Variants in KLHDC4 observed in about 807,000 individuals in gnomAD.
KLHDC4 encodes kelch domain containing 4, also known as kelch domain-containing protein 4.
KLHDC4 carries 90 observed loss-of-function variants against 62.4 expected under a neutral mutation model. The observed-to-expected ratio is 1.44, with a 90% CI of 1.22 to 1.72. The LOEUF (loss-of-function observed/expected upper bound fraction) is 1.72. Ranked by LOEUF, KLHDC4 falls within the 40% of genes most tolerant of loss-of-function variation. KLHDC4 has a pLI of 0.00. For missense variants in KLHDC4, 1,025 were observed against 699.7 expected (o/e 1.47, Z -5.25); for synonymous variants, 386 against 284.4 (o/e 1.36, Z -3.59).
chr16:87,716,149 T>C (rs984486382), intron 7 of KLHDC4, among the ~76,000 whole-genome samples: 3 of 150,076 alleles, frequency 2.0e-5, no homozygotes, highest in Non-Finnish European at 4.5e-5. Flanking sequence ...ATGTAGACTT[T>C]GGGTACGCGC....
chr16:87,705,986 A>G (rs2034628028), downstream of KLHDC4, among the ~76,000 whole-genome samples: 1 of 151,488 alleles, frequency 6.6e-6, no homozygotes, highest in Non-Finnish European at 1.5e-5. Context: ...TCGGTGCAAC[A>G]CAAACACAAG....
Position 87,708,359 on chromosome 16 carries a change from C to T in KLHDC4, c.1555G>A (p.Glu519Lys). The change falls in exon 11 of 12, where the codon GAG (glutamate) becomes AAG (lysine). Residue 519 changes from glutamate to lysine, a missense_variant. By Grantham distance (56) the Glu-to-Lys change is moderately conservative. Transcript: ENST00000270583. ...GCCCGAGCCCGCTCACCTCAGTCCTCCGCACCGCTCTCCTCTCCGCTGTCT... is the reference window on the plus strand; with the variant it reads ...GCCCGAGCCCGCTCACCTCAGTCCTTCGCACCGCTCTCCTCTCCGCTGTCT... ...DEDSGEESGA[E>K]D The T allele has an allele frequency of 6.2e-7, 1 of 1,604,576 alleles. No individual in the cohort carries two copies. The highest frequency in any genetic ancestry group is 8.5e-7 in the Non-Finnish European group (1 of 1,175,818).
Position 87,764,949 on chromosome 16 carries a change from G to C in KLHDC4, c.99+843C>G, listed in dbSNP as rs1597452453. ...TGACTTAGGAAGAAAAGGGACAAAGGACTGTGGTCAAGAGCTCCTGATTCA... is the reference window on the plus strand; with the variant it reads ...TGACTTAGGAAGAAAAGGGACAAAGCACTGTGGTCAAGAGCTCCTGATTCA... On this transcript the variant is annotated intron_variant, in intron 1 of 11. Coordinates refer to ENST00000270583, the MANE Select transcript of KLHDC4 (RefSeq NM_017566.4). 1.1e-5 allele frequency: 4 copies of C among 359,936 alleles called. No individual in the cohort carries two copies. The East Asian group carries it at 3.0e-4, about 27-fold the overall frequency. 22.3% of individuals were successfully genotyped at this position (359,936 alleles called of 1,614,324 possible). A position where few individuals can be genotyped will look rare whatever the true frequency, so the allele number is the denominator to read the frequency against.
At chr16:87,765,274 C>G (rs1268866510) in intron 1 of KLHDC4, 1 of 456,096 alleles carries the variant, frequency 2.2e-6, no homozygotes, top group Non-Finnish European at 4.4e-6. Context: ...CCCCGTGGCT[C>G]CAGTGCCTTC....
chr16:87,730,646 T>C lies in KLHDC4; in HGVS notation c.507-2A>G. The C allele has an allele frequency of 1.2e-6, 2 of 1,610,964 alleles. No homozygotes were observed. Among genetic ancestry groups the C allele is most frequent in the Non-Finnish European group, 1.7e-6 (2 of 1,178,764 alleles). On this transcript the variant is annotated splice_acceptor_variant, in intron 5 of 11. Coordinates refer to ENST00000270583, the MANE Select transcript of KLHDC4 (RefSeq NM_017566.4). LOFTEE classifies it high-confidence loss of function. ...CGACCCGAAGGACCGCCTGTTGATC[T>C]AAAATGAAATAAACAAAAAGACACT...
chr16:87,751,150 G>A (rs145110734), intron 4 of KLHDC4, among the ~76,000 whole-genome samples: 10 of 152,318 alleles, frequency 6.6e-5, no homozygotes, highest in Admixed American at 2.0e-4. Context: ...ACACATACAT[G>A]CACGCTCCAG....
chr16:87,748,450 G>A (rs755213381), intron 5 of KLHDC4, among the ~76,000 whole-genome samples: 49 of 152,182 alleles, frequency 3.2e-4, no homozygotes, highest in Non-Finnish European at 6.3e-4. Context: ...GGAACCTGGA[G>A]AACAACACCA....
At chr16:87,712,862 T>C (rs2036172739) in intron 8 of KLHDC4, among the ~76,000 whole-genome samples, 1 of 152,214 alleles carries the variant, frequency 6.6e-6, no homozygotes, top group South Asian at 2.1e-4. Flanking sequence ...TTGGGTCTCC[T>C]GGGTCTAGCC....
At chr16:87,757,999 C>T (rs1005971429) in intron 2 of KLHDC4, among the ~76,000 whole-genome samples, 3 of 152,196 alleles carry the variant, frequency 2.0e-5, no homozygotes, top group Non-Finnish European at 4.4e-5. Flanking sequence ...CCTTCAGAGT[C>T]CTCTAAGACG....
rs1233741543 is a variant in KLHDC4, at chr16:87,748,764, C to T, written c.415G>A (p.Gly139Arg). The change falls in exon 5 of 12, where the codon GGG (glycine) becomes AGG (arginine). Residue 139 changes from glycine to arginine, a missense_variant. Coordinates refer to ENST00000270583, the MANE Select transcript of KLHDC4 (RefSeq NM_017566.4). ...QGGGQLWVFG[G>R]EFASPNGEQF... ...TCTCCGTTGGGAGAGGCAAACTCCCCTCCAAAGACCCACAGCTGTCCGCCA... is the reference window on the plus strand; with the variant it reads ...TCTCCGTTGGGAGAGGCAAACTCCCTTCCAAAGACCCACAGCTGTCCGCCA... 10 of 1,613,430 alleles carry T rather than the reference C, an allele frequency of 6.2e-6. No homozygotes were observed. In the East Asian group the frequency reaches 2.2e-4, roughly 36 times the overall value.
Position 87,755,083 on chromosome 16 carries a change from C to CG in KLHDC4, c.369+110_369+111insC, listed in dbSNP as rs2044650151. 36 of 685,496 alleles carry CG rather than the reference C, an allele frequency of 5.3e-5. No individual in the cohort carries two copies. The South Asian group carries it at 6.0e-4, about 11-fold the overall frequency. The allele number at this position is 685,496 out of a possible 1,614,324, so 42.5% of individuals were successfully genotyped here. A position where few individuals can be genotyped will look rare whatever the true frequency, so the allele number is the denominator to read the frequency against. On this transcript the variant is annotated intron_variant, in intron 4 of 11. Coordinates refer to ENST00000270583, the MANE Select transcript of KLHDC4 (RefSeq NM_017566.4). ...GCAAACAGCAGAACCAGGCGATCTA[C>CG]AGGGCCCAGCCCCTCCGCACCAGCT...
rs558880484 is a variant in KLHDC4 at position 87,726,917 on chromosome 16, T to A, written c.607A>T (p.Ile203Phe). The change falls in exon 7 of 12, where the codon ATC (isoleucine) becomes TTC (phenylalanine). Residue 203 changes from isoleucine (I) to phenylalanine (F), a missense_variant. Ile to Phe is a conservative substitution (Grantham distance 21, BLOSUM62 0). Coordinates refer to ENST00000270583, the MANE Select transcript of KLHDC4 (RefSeq NM_017566.4). ...AAGGCATACACGTCGTTGTAGTAGA[T>A]GTAATCCCTGGTTAGAAGAACAGCA... ...GGFHESTRDY[I>F]YYNDVYAFNL... 6.2e-7 allele frequency: 1 copy of A among 1,613,858 alleles called. No individual in the cohort carries two copies. Among genetic ancestry groups the A allele is most frequent in the African/African-American group, 1.3e-5 (1 of 74,998 alleles).
intron 8 of KLHDC4, among the ~76,000 whole-genome samples, chr16:87,713,078 C>G (rs1195455517): frequency 6.6e-6 from 1 of 152,244 alleles, no homozygotes; most frequent in Non-Finnish European, 1.5e-5. Flanking sequence ...GTTGCCTAGG[C>G]TGGAGTGCAG....
At chr16:87,740,797 G>A (rs935509206) in intron 5 of KLHDC4, 1 of 152,198 alleles carries the variant, frequency 6.6e-6, no homozygotes, top group Non-Finnish European at 1.5e-5. Context: ...AGCTCCTGCT[G>A]TTGCATCTAA....
intron 6 of KLHDC4, chr16:87,729,276 A>G (rs535011469): frequency 1.3e-5 from 2 of 152,276 alleles, no homozygotes; most frequent in South Asian, 2.1e-4. Flanking sequence ...ATCACGATGG[A>G]TCAAGAATCA....
chr16:87,737,642 C>A (rs1164315883), intron 5 of KLHDC4, among the ~76,000 whole-genome samples: 1 of 149,046 alleles, frequency 6.7e-6, no homozygotes, highest in Non-Finnish European at 1.5e-5. Context: ...GGCTGGAGCA[C>A]AATGGCACGA....
intron 4 of KLHDC4, among the ~76,000 whole-genome samples, chr16:87,749,346 G>A (rs1006028175): frequency 1.3e-5 from 2 of 152,008 alleles, no homozygotes; most frequent in Non-Finnish European, 2.9e-5. Context: ...ACGAGATCAA[G>A]AAATAGAGAC....
In KLHDC4 at chr16:87,726,907, T is replaced by A; in HGVS notation, c.617A>T (p.Asn206Ile). The change falls in exon 7 of 12, where the codon AAC becomes ATC. Residue 206 changes from asparagine (N) to isoleucine (I), a missense_variant. Coordinates refer to ENST00000270583, the MANE Select transcript of KLHDC4 (RefSeq NM_017566.4). Reference protein sequence around the residue: ...HESTRDYIYYNDVYAFNLDTF... With the variant: ...HESTRDYIYYIDVYAFNLDTF... ...GTCCAGATTAAAGGCATACACGTCG[T>A]TGTAGTAGATGTAATCCCTGGTTAG... is the stretch of plus-strand genomic sequence containing the variant. 1 of 1,613,860 alleles carries A rather than the reference T, an allele frequency of 6.2e-7. No individual in the cohort carries two copies. The highest frequency in any genetic ancestry group is 8.5e-7 in the Non-Finnish European group (1 of 1,179,846).
At chr16:87,719,918 C>T (rs1470224382) in intron 7 of KLHDC4, among the ~76,000 whole-genome samples, 1 of 152,222 alleles carries the variant, frequency 6.6e-6, no homozygotes, top group Non-Finnish European at 1.5e-5. Context: ...ATCGGCCGCA[C>T]ACGCCAAGTC....
Sources: gnomAD v4.1 joint callset for allele counts (sites outside exome capture counted in the v4.1 genomes callset) on GRCh38, gnomAD v4.1.1 for gene constraint, MANE v1.5 for transcripts, NCBI Gene and HGNC (gene_info 2026-07-23, HGNC 2026-07-21) for gene names.